TNPO1: variants seen among roughly 807,000 people sequenced by gnomAD.
TNPO1 encodes the protein transportin 1.
Under a neutral mutation model 119.5 loss-of-function variants are expected in TNPO1, and 8 were observed. The observed-to-expected ratio is 0.07, with a 90% CI of 0.04 to 0.12. The LOEUF is 0.12. TNPO1 is among the 10% of genes least tolerant of loss of function. TNPO1 has a pLI of 1.00. For synonymous variants in TNPO1, 362 were observed against 363.0 expected, an observed-to-expected ratio of 1.00 and a Z score of 0.03; for missense variants, 576 against 1,089.8, an observed-to-expected ratio of 0.53 and a Z score of 6.64.
intron 1 of TNPO1, among the ~76,000 whole-genome samples, chr5:72,841,048 A>G (rs1352008451): frequency 6.6e-6 from 1 of 151,582 alleles, no homozygotes. Flanking sequence ...AACTAATATG[A>G]GCTCAACAGT....
chr5:72,890,112 A>ATC (rs541879046), intron 14 of TNPO1, among the ~76,000 whole-genome samples, 155 bp downstream of exon 14: 124 of 152,372 alleles, frequency 8.1e-4, no homozygotes, highest in African/African-American at 2.9e-3. Flanking sequence ...CAGCAAGTAT[A>ATC]TCCCCTTTCA....
At chr5:72,904,739 G>A (rs1326341962) in intron 23 of TNPO1, among the ~76,000 whole-genome samples, 2 of 152,202 alleles carry the variant, frequency 1.3e-5, no homozygotes, top group Non-Finnish European at 2.9e-5. Flanking sequence ...GGAGGTTGCA[G>A]TGAGCCAAGA....
chr5:72,885,077 A>G (rs559840980), intron 11 of TNPO1, among the ~76,000 whole-genome samples: 1 of 152,364 alleles, frequency 6.6e-6, no homozygotes, highest in Admixed American at 6.5e-5. Context: ...TGTAACTAAC[A>G]TTCTATTTAG....
At chr5:72,844,830 A>G (rs1745059942) in intron 1 of TNPO1, among the ~76,000 whole-genome samples, 1 of 152,242 alleles carries the variant, frequency 6.6e-6, no homozygotes, top group African/African-American at 2.4e-5. Flanking sequence ...CCAACAAGGA[A>G]GAAGCTATAT....
chr5:72,898,216 A>G (rs1257973191), intron 20 of TNPO1, among the ~76,000 whole-genome samples: 1 of 152,170 alleles, frequency 6.6e-6, no homozygotes, highest in Non-Finnish European at 1.5e-5. Context: ...ACTTGCCATT[A>G]TAAAATTATT....
chr5:72,894,274 A>G (rs1749263707), intron 18 of TNPO1, among the ~76,000 whole-genome samples: 1 of 152,188 alleles, frequency 6.6e-6, no homozygotes, highest in Admixed American at 6.5e-5. Context: ...ATGATAAGAA[A>G]TTCCTTGAAT....
At chr5:72,847,175 T>G (rs1223890717) in intron 1 of TNPO1, among the ~76,000 whole-genome samples, 1 of 152,108 alleles carries the variant, frequency 6.6e-6, no homozygotes, top group African/African-American at 2.4e-5. Flanking sequence ...AAGGCATTTT[T>G]AAAAAGAAAG....
Position 72,904,900 on chromosome 5 carries a change from T to C in TNPO1, c.2590-403T>C, listed in dbSNP as rs575039630. On this transcript the variant is annotated intron_variant, in intron 23 of 24. Transcript: ENST00000337273. ...TGTGGTTGGGGAGGCCTCACTGTCA[T>C]GGTGGAAGGTGAAAGACAAGTCTTA... Among the ~76,000 whole-genome samples, 12 of 152,324 alleles carry C rather than the reference T, an allele frequency of 7.9e-5. No individual in the cohort carries two copies. In the East Asian group the frequency reaches 1.2e-3, roughly 15 times the overall value.
chr5:72,866,706 A>ATT (rs2112338462), intron 6 of TNPO1, among the ~76,000 whole-genome samples: 1 of 152,264 alleles, frequency 6.6e-6, no homozygotes, highest in South Asian at 2.1e-4. Context: ...GTGGACTGAG[A>ATT]TTGTACCACT....
At chr5:72,854,368 C>T (rs35213637) in intron 3 of TNPO1, among the ~76,000 whole-genome samples, 8,242 of 152,240 alleles carry the variant, frequency 0.054, 317 homozygotes, top group Non-Finnish European at 0.086. Flanking sequence ...CTTTTTGCCT[C>T]TACATGTTGC....
At chr5:72,896,023 A>AT (rs551941229) in intron 18 of TNPO1, among the ~76,000 whole-genome samples, 32 of 150,184 alleles carry the variant, frequency 2.1e-4, no homozygotes, top group South Asian at 6.3e-4. Context: ...CTGAGAGTCC[A>AT]TTTTTTTTTA....
chr5:72,849,044 G>T (rs1330679005), intron 2 of TNPO1, among the ~76,000 whole-genome samples: 2 of 151,780 alleles, frequency 1.3e-5, no homozygotes, highest in African/African-American at 4.8e-5. Flanking sequence ...CCACGTCCTT[G>T]CCCTAAAAAG....
intron 20 of TNPO1, among the ~76,000 whole-genome samples, chr5:72,898,701 G>A (rs72764820): frequency 6.4e-4 from 97 of 152,108 alleles, no homozygotes; most frequent in Non-Finnish European, 1.1e-3. Context: ...TTTTTCAATG[G>A]ACCATCATCT....
At chr5:72,891,929 C>T (rs748073386) in intron 15 of TNPO1, 33 bp downstream of exon 15, 2 of 1,533,286 alleles carry the variant, frequency 1.3e-6, no homozygotes, top group Non-Finnish European at 1.8e-6. Context: ...AATCTGTTGC[C>T]AAGAACACAT....
rs776621129 is a variant in TNPO1 at position 72,913,310 on chromosome 5, G to A, written c.*4637G>A. On this transcript the variant is annotated 3_prime_UTR_variant, in exon 25 of 25. Transcript: ENST00000337273. ...TGACTAATTTTTTCAATCTTACATA[G>A]ATCTTTCACCCATTAGCATTACTTA... The A allele has an allele frequency of 1.6e-4, 25 of 152,346 alleles. No homozygotes were observed. Among genetic ancestry groups the A allele is most frequent in the Non-Finnish European group, 3.4e-4 (23 of 67,904 alleles). The allele number at this position is 152,346 out of a possible 1,614,324, so 9.4% of individuals were successfully genotyped here.
chr5:72,901,628 A>T (rs1370214805), intron 22 of TNPO1, among the ~76,000 whole-genome samples: 1 of 152,224 alleles, frequency 6.6e-6, no homozygotes, highest in Non-Finnish European at 1.5e-5. Context: ...AGTCCAGTTA[A>T]GCATCTGGAT....
At chr5:72,876,503 ATTATCT>A (rs1352420292) in intron 8 of TNPO1, among the ~76,000 whole-genome samples, 3 of 152,212 alleles carry the variant, frequency 2.0e-5, no homozygotes, top group Admixed American at 1.3e-4. Context: ...CAAATGAAAA[ATTATCT>A]TTATAATTTC....
In TNPO1 at chr5:72,908,890, G is replaced by A. The variant is rs1433671507; in HGVS notation, c.*217G>A. On this transcript the variant is annotated 3_prime_UTR_variant, in exon 25 of 25. Coordinates refer to ENST00000337273, the MANE Select transcript of TNPO1 (RefSeq NM_002270.4). ...GTTGGGAAACGTTTTAACATCTGGAGCCTTTGTGGGTGGAAATATGTCTCC... is the reference window on the plus strand; with the variant it reads ...GTTGGGAAACGTTTTAACATCTGGAACCTTTGTGGGTGGAAATATGTCTCC... The A allele has an allele frequency of 2.2e-6, 1 of 453,348 alleles. No individual in the cohort carries two copies. The highest frequency in any genetic ancestry group is 4.4e-6 in the Non-Finnish European group (1 of 225,456). The allele number at this position is 453,348 out of a possible 1,614,324, so 28.1% of individuals were successfully genotyped here.
chr5:72,877,634 A>T (rs1747896434), intron 9 of TNPO1, among the ~76,000 whole-genome samples: 1 of 152,158 alleles, frequency 6.6e-6, no homozygotes, highest in Admixed American at 6.5e-5. Flanking sequence ...TTTAAAAAAC[A>T]ATCCTTGTTA....
Sources: allele counts gnomAD v4.1 joint callset (sites outside exome capture counted in the v4.1 genomes callset), GRCh38; gene constraint gnomAD v4.1.1; transcripts MANE v1.5; gene names NCBI Gene and HGNC (gene_info 2026-07-23, HGNC 2026-07-21).